DPP6: variants seen among roughly 807,000 people sequenced by gnomAD.
The protein encoded by DPP6 is dipeptidyl peptidase like 6, also known as A-type potassium channel modulatory protein DPP6.
DPP6 carries 69 observed loss-of-function variants against 122.6 expected under a neutral mutation model. The ratio of observed to expected loss-of-function variants is 0.56; its 90% confidence interval spans 0.46 to 0.69. The LOEUF is 0.69. Among genes scored for constraint, DPP6 ranks in the 30% least tolerant of loss-of-function variants. The probability of loss-of-function intolerance (pLI) is 0.00; values close to 1 mark genes in which losing one functional copy is unlikely to be tolerated. For missense variants in DPP6, 928 were observed against 1,116.9 expected, an observed-to-expected ratio of 0.83 and a Z score of 2.41; for synonymous variants, 418 against 433.1, an observed-to-expected ratio of 0.97 and a Z score of 0.43.
rs1585263920 is a variant in DPP6 at position 154,060,089 on chromosome 7, CAGGGGGGGAGGCAATCCTCCCGAGGCGG to C, written c.243+7027_243+7054del. 3.4e-5 allele frequency among the ~76,000 whole-genome samples: 5 copies of C among 148,408 alleles called. No individual in the cohort carries two copies. The East Asian group carries it at 6.0e-4, about 18-fold the overall frequency. ...CCCCTGGCTCTTGGGACCACCATCG[CAGGGGGGGAGGCAATCCTCCCGAGGCGG>C]GACTGCAAACCTCCACCTTTCCTCC... On this transcript the variant is annotated intron_variant, in intron 1 of 25. Transcript: ENST00000377770.
At chr7:153,980,838 T>A (rs1796546044) in intron 1 of DPP6, among the ~76,000 whole-genome samples, 1 of 152,202 alleles carries the variant, frequency 6.6e-6, no homozygotes, top group Non-Finnish European at 1.5e-5. Flanking sequence ...TTGTTCAGTT[T>A]CCATGTAGTT....
chr7:154,635,246 A>G (rs1001357526), intron 5 of DPP6, among the ~76,000 whole-genome samples: 3 of 152,172 alleles, frequency 2.0e-5, no homozygotes, highest in Admixed American at 6.5e-5. Flanking sequence ...AGTACCTAAT[A>G]TGTGGTACGT....
chr7:154,587,960 C>T, intron 5 of DPP6: 1 of 1,612,944 alleles, frequency 6.2e-7, no homozygotes, highest in Non-Finnish European at 8.5e-7. Flanking sequence ...CATGCACCTG[C>T]AGCCCTCAGG....
At chr7:153,900,027 T>A (rs573277656) in intron 1 of DPP6, among the ~76,000 whole-genome samples, 3 of 152,232 alleles carry the variant, frequency 2.0e-5, no homozygotes, top group Non-Finnish European at 4.4e-5. Context: ...ACGCTGGACC[T>A]GCGTTATCAG....
chr7:153,922,946 A>G (rs575101424), intron 1 of DPP6, among the ~76,000 whole-genome samples: 2 of 152,380 alleles, frequency 1.3e-5, no homozygotes, highest in East Asian at 3.9e-4. Flanking sequence ...AGTCCCTGAC[A>G]TCAGTGATTC....
intron 1 of DPP6, among the ~76,000 whole-genome samples, chr7:154,027,754 G>A (rs1799017491): frequency 1.3e-5 from 2 of 151,754 alleles, no homozygotes; most frequent in Admixed American, 1.3e-4. Flanking sequence ...CATCTGGGCA[G>A]GTGGTTTGTC....
chr7:154,563,620 T>C (rs1317426296), intron 4 of DPP6, among the ~76,000 whole-genome samples: 1 of 151,820 alleles, frequency 6.6e-6, no homozygotes, highest in African/African-American at 2.4e-5. Context: ...GTAGGGTGTG[T>C]AAAACAGAGG....
intron 3 of DPP6, among the ~76,000 whole-genome samples, chr7:154,516,790 G>A (rs1826551822): frequency 6.6e-6 from 1 of 152,154 alleles, no homozygotes; most frequent in South Asian, 2.1e-4. Flanking sequence ...TCTTCTTTCT[G>A]AACAGTGATC....
intron 1 of DPP6, among the ~76,000 whole-genome samples, chr7:153,989,053 C>G (rs1401336636): frequency 2.7e-5 from 4 of 150,614 alleles, no homozygotes; most frequent in Non-Finnish European, 5.9e-5. Context: ...TGCCCTTTCC[C>G]AGAGAGCCCA....
Position 154,022,782 on chromosome 7 carries a change from G to A in DPP6, c.51+135048G>A, listed in dbSNP as rs556520295. Among the ~76,000 whole-genome samples, 52 of 152,310 alleles carry A rather than the reference G, an allele frequency of 3.4e-4. No homozygotes were observed. In the South Asian group the frequency reaches 0.011, roughly 32 times the overall value. Reference sequence around the variant, plus strand: ...AACTCACCAGCAGAGGTGGCCAGAAGAAGAAATCTTTCCTGGCAATTGAAA... The same window carrying A: ...AACTCACCAGCAGAGGTGGCCAGAAAAAGAAATCTTTCCTGGCAATTGAAA... On this transcript the variant is annotated intron_variant, in intron 1 of 25. Coordinates refer to the DPP6 transcript ENST00000404039.
At chr7:154,531,636 A>AT (rs1274415298) in intron 3 of DPP6, among the ~76,000 whole-genome samples, 3 of 152,078 alleles carry the variant, frequency 2.0e-5, no homozygotes, top group East Asian at 1.9e-4. Flanking sequence ...TGCAAAAGAC[A>AT]TTTTTTTCTT....
intron 1 of DPP6, among the ~76,000 whole-genome samples, chr7:154,075,210 T>C (rs1265796378): frequency 6.6e-6 from 1 of 151,820 alleles, no homozygotes; most frequent in Non-Finnish European, 1.5e-5. Flanking sequence ...CTTGTAGGAA[T>C]GTAAACTAGT....
At chr7:154,074,055 A>ATG (rs1229612571) in intron 1 of DPP6, among the ~76,000 whole-genome samples, 236 of 144,296 alleles carry the variant, frequency 1.6e-3, no homozygotes, top group African/African-American at 5.1e-3. Flanking sequence ...ATCTATCTAT[A>ATG]TATCTCCATA....
chr7:154,062,166 C>T (rs1354436046), intron 1 of DPP6, among the ~76,000 whole-genome samples: 1 of 103,406 alleles, frequency 9.7e-6, no homozygotes, highest in African/African-American at 3.5e-5. Flanking sequence ...GCTTAGGACC[C>T]ACATCGTTGA....
chr7:154,237,719 C>A (rs1228315606), intron 1 of DPP6, among the ~76,000 whole-genome samples: 3 of 152,212 alleles, frequency 2.0e-5, no homozygotes, highest in Non-Finnish European at 4.4e-5. Flanking sequence ...CCTGGCCCAG[C>A]AGATGCTTCA....
At chr7:154,872,799 A>T in intron 19 of DPP6, 106 bp downstream of exon 19, 1 of 1,534,468 alleles carries the variant, frequency 6.5e-7, no homozygotes, top group Non-Finnish European at 8.8e-7. Flanking sequence ...AGGAGAAATG[A>T]CATTGTTGCA....
At chr7:154,694,791 C>T (rs1334499205) in intron 7 of DPP6, among the ~76,000 whole-genome samples, 2 of 152,136 alleles carry the variant, frequency 1.3e-5, no homozygotes, top group African/African-American at 4.8e-5. Flanking sequence ...GGGGTTTTCC[C>T]AGGACATTCA....
At chr7:154,209,533 A>C (rs1456880396) in intron 1 of DPP6, among the ~76,000 whole-genome samples, 1 of 123,962 alleles carries the variant, frequency 8.1e-6, no homozygotes, top group East Asian at 2.2e-4. Context: ...TATTGTGAAC[A>C]AGTTGAAGTT....
At chr7:153,979,844 T>C (rs1796493400) in intron 1 of DPP6, among the ~76,000 whole-genome samples, 1 of 152,178 alleles carries the variant, frequency 6.6e-6, no homozygotes, top group African/African-American at 2.4e-5. Context: ...TGATGTATTA[T>C]GTTTATTGAT....
Sources: gnomAD v4.1 joint callset for allele counts (sites outside exome capture counted in the v4.1 genomes callset) on GRCh38, gnomAD v4.1.1 for gene constraint, MANE v1.5 for transcripts, NCBI Gene and HGNC (gene_info 2026-07-23, HGNC 2026-07-21) for gene names.